The following C8orf82 variants were observed in gnomAD, a reference collection of about 807,000 sequenced individuals.
C8orf82 encodes UPF0598 protein C8orf82.
Under a neutral mutation model 15.0 loss-of-function variants are expected in C8orf82, and 24 were observed. The observed-to-expected ratio is 1.60, with a 90% confidence interval of 1.16 to 2.24. C8orf82 has a LOEUF of 2.24. Among genes scored for constraint, C8orf82 ranks in the 30% most tolerant of loss-of-function variants. The pLI is 0.00. For synonymous variants in C8orf82, 205 were observed against 152.2 expected (o/e 1.35, Z -2.55); for missense variants, 388 against 317.4 (o/e 1.22, Z -1.69).
chr8:144,526,348 G>GGTAT lies in C8orf82; in HGVS notation c.*990_*993dup, dbSNP rs1816359141. The GGTAT allele has an allele frequency of 2.6e-5, 4 of 152,240 alleles. No individual in the cohort carries two copies. The South Asian group carries it at 6.2e-4, about 24-fold the overall frequency. 9.4% of individuals were successfully genotyped at this position (152,240 alleles called of 1,614,324 possible). A position where few individuals can be genotyped will look rare whatever the true frequency, so the allele number is the denominator to read the frequency against. On this transcript the variant is annotated 3_prime_UTR_variant, in exon 3 of 3. Transcript: ENST00000524821. ...TGGGCCCTTGGGATCCATTCCCCTG[G>GGTAT]GTATAAAGTGTTGGTACGTGGCTCC...
Position 144,527,461 on chromosome 8 carries a change from C to CT in C8orf82, c.531_532insA (p.Ala178SerfsTer75). The CT allele has an allele frequency of 8.0e-7, 1 of 1,246,548 alleles. No homozygotes were observed. The highest frequency in any genetic ancestry group is 1.0e-6 in the Non-Finnish European group (1 of 994,004). The allele number at this position is 1,246,548 out of a possible 1,614,324, so 77.2% of individuals were successfully genotyped here. On this transcript the variant is annotated frameshift_variant, in exon 3 of 3. Transcript: ENST00000524821. LOFTEE classifies it high-confidence loss of function. ...GCGCCGGGCCCGTACTCGAAGCAGG[C>CT]GCTGAGCTCGAAGGCCAGGGCGGAG...
At chr8:144,528,374 C>T (rs778951078) in intron 1 of C8orf82, 2 of 1,499,794 alleles carry the variant, frequency 1.3e-6, no homozygotes, top group Non-Finnish European at 1.8e-6. Flanking sequence ...TGCTGCCTCC[C>T]GGACATGCAG....
At chr8:144,528,533 G>A (rs1006139523) in intron 1 of C8orf82, 7 of 1,368,680 alleles carry the variant, frequency 5.1e-6, no homozygotes, top group Non-Finnish European at 6.7e-6. Flanking sequence ...TAGGAGCCTC[G>A]GCCCGGACCG....
Position 144,527,751 on chromosome 8 carries a change from C to G in C8orf82, c.242G>C (p.Arg81Thr). The change falls in exon 3 of 3, where the codon AGA (arginine) becomes ACA (threonine). Residue 81 changes from arginine (R) to threonine (T), a missense_variant. Arg to Thr is a moderately conservative substitution (Grantham distance 71, BLOSUM62 -1). Transcript: ENST00000524821. ...QFLVTFFSRL[R>T]PNRSGRYEAA... is the part of the protein sequence containing the mutation. ...CTCGTAGCGCCCGCTGCGGTTGGGT[C>G]TCAGGCGGGAGAAGAAGGTGACCAG... 1 of 1,594,526 alleles carries G rather than the reference C, an allele frequency of 6.3e-7. No homozygotes were observed. The highest frequency in any genetic ancestry group is 8.5e-7 in the Non-Finnish European group (1 of 1,177,554).
intron 1 of C8orf82, 198 bp from the exon 2 acceptor site, chr8:144,528,270 C>G (rs1816457634): frequency 6.6e-7 from 1 of 1,505,782 alleles, no homozygotes; most frequent in African/African-American, 1.4e-5. Flanking sequence ...ATGCGCACCT[C>G]TGCTCCCTGG....
Position 144,526,494 on chromosome 8 carries a change from G to A in C8orf82, c.*848C>T, listed in dbSNP as rs537640524. 6.6e-6 allele frequency: 1 copy of A among 152,378 alleles called. No homozygotes were observed. Among genetic ancestry groups the A allele is most frequent in the East Asian group, 1.9e-4 (1 of 5,192 alleles). 9.4% of individuals were successfully genotyped at this position (152,378 alleles called of 1,614,324 possible). ...CACTAGATGCAGATCGGTGTAGAAA[G>A]GCCTGCCAGGGCAGGGATGAGGGCC... On this transcript the variant is annotated 3_prime_UTR_variant, in exon 3 of 3. Coordinates refer to ENST00000524821, the MANE Select transcript of C8orf82 (RefSeq NM_001001795.2).
Position 144,528,865 on chromosome 8 carries a change from C to T in C8orf82, c.52G>A (p.Gly18Arg). 1 of 1,519,280 alleles carries T rather than the reference C, an allele frequency of 6.6e-7. No individual in the cohort carries two copies. The allele number at this position is 1,519,280 out of a possible 1,614,324, so 94.1% of individuals were successfully genotyped here. The stretch of plus-strand genomic sequence containing the variant: ...CCATCCCCGCTGCAGGCCCGGGCTC[C>T]CCGCGACCGCGCCAAGGCCAGGGTC... ...LRTLALARSR[G>R]ARACSGDGGV... The change falls in exon 1 of 3, where the codon GGA (glycine) becomes AGA (arginine). Residue 18 changes from glycine (G) to arginine (R), a missense_variant. Coordinates refer to ENST00000524821, the MANE Select transcript of C8orf82 (RefSeq NM_001001795.2).
intron 1 of C8orf82, chr8:144,528,323 G>A (rs1336683384): frequency 6.6e-7 from 1 of 1,509,614 alleles, no homozygotes; most frequent in Non-Finnish European, 8.9e-7. Flanking sequence ...TTTCAAGTTT[G>A]TAATCAGTTG....
Position 144,528,892 on chromosome 8 carries a change from G to T in C8orf82, c.25C>A (p.Arg9=). 5.9e-6 allele frequency: 9 copies of T among 1,514,178 alleles called. No homozygotes were observed. Among genetic ancestry groups the T allele is most frequent in the Non-Finnish European group, 7.9e-6 (9 of 1,133,290 alleles). 93.8% of individuals were successfully genotyped at this position (1,514,178 alleles called of 1,614,324 possible). A position where few individuals can be genotyped will look rare whatever the true frequency, so the allele number is the denominator to read the frequency against. The change falls in exon 1 of 3, where the codon CGG becomes AGG. Residue 9 remains arginine, a synonymous_variant. Coordinates refer to ENST00000524821, the MANE Select transcript of C8orf82 (RefSeq NM_001001795.2). MWPPCGTL[R]TLALARSRGA... is the part of the protein sequence containing the mutation. ...CGCGACCGCGCCAAGGCCAGGGTCCGGAGCGTCCCGCAAGGCGGCCACATT... is the reference window on the plus strand; with the variant it reads ...CGCGACCGCGCCAAGGCCAGGGTCCTGAGCGTCCCGCAAGGCGGCCACATT...
rs571757742 is a variant in C8orf82 at position 144,527,119 on chromosome 8, G to T, written c.*223C>A. On this transcript the variant is annotated 3_prime_UTR_variant, in exon 3 of 3. Coordinates refer to ENST00000524821, the MANE Select transcript of C8orf82 (RefSeq NM_001001795.2). ...TCTCGAGCGCAGGCCAATCCGGAGG[G>T]CGCCGGAGTCGGGTGCGCGGGGGGC... The T allele has an allele frequency of 1.6e-3, 316 of 203,676 alleles. 2 individuals are homozygous for T. Among genetic ancestry groups the T allele is most frequent in the South Asian group, 5.9e-3 (32 of 5,388 alleles). 12.6% of individuals were successfully genotyped at this position (203,676 alleles called of 1,614,324 possible).
chr8:144,527,811 C>G lies in C8orf82; in HGVS notation c.206-24G>C, dbSNP rs747488205. On this transcript the variant is annotated intron_variant, in intron 2 of 2. Transcript: ENST00000524821. ...GTCTGGGGGATGAAGGGTGCGTGTACTCAGCGCGCTGGGCTCCCAAGGCCT... is the reference window on the plus strand; with the variant it reads ...GTCTGGGGGATGAAGGGTGCGTGTAGTCAGCGCGCTGGGCTCCCAAGGCCT... 2.5e-6 allele frequency: 4 copies of G among 1,590,614 alleles called. 1 individual carries two copies. The South Asian group carries it at 3.3e-5, about 13-fold the overall frequency.
At chr8:144,528,137 G>C in intron 1 of C8orf82, 65 bp from the exon 2 acceptor site, 1 of 1,586,058 alleles carries the variant, frequency 6.3e-7, no homozygotes, top group Non-Finnish European at 8.6e-7. Flanking sequence ...AAGCTCAGGA[G>C]GTCCTGAAGC....
rs903190174 is a variant in C8orf82 at position 144,527,281 on chromosome 8, G to T, written c.*61C>A. 51 of 1,086,676 alleles carry T rather than the reference G, an allele frequency of 4.7e-5. No individual in the cohort carries two copies. The highest frequency in any genetic ancestry group is 5.5e-5 in the Non-Finnish European group (48 of 878,460). The allele number at this position is 1,086,676 out of a possible 1,614,324, so 67.3% of individuals were successfully genotyped here. A position where few individuals can be genotyped will look rare whatever the true frequency, so the allele number is the denominator to read the frequency against. ...GGGTGGCGCGGGCTTTCCGGGGCGT[G>T]GAGTCCCGGGGGAGCGGGGCGAGAG... On this transcript the variant is annotated 3_prime_UTR_variant, in exon 3 of 3. Coordinates refer to ENST00000524821, the MANE Select transcript of C8orf82 (RefSeq NM_001001795.2).
chr8:144,528,589 A>C lies in C8orf82; in HGVS notation c.156+172T>G, dbSNP rs913505924. 1.9e-5 allele frequency: 22 copies of C among 1,177,874 alleles called. 1 individual carries two copies. In the South Asian group the frequency reaches 2.2e-4, roughly 12 times the overall value. The allele number at this position is 1,177,874 out of a possible 1,614,324, so 73.0% of individuals were successfully genotyped here. On this transcript the variant is annotated intron_variant, in intron 1 of 2. Coordinates refer to ENST00000524821, the MANE Select transcript of C8orf82 (RefSeq NM_001001795.2). ...AGCGCGCTCTCCTCCAGCTCTGAGG[A>C]GTCGAGGTTGCCCACCGCGCAGGCC...
Position 144,527,430 on chromosome 8 carries a change from G to C in C8orf82, c.563C>G (p.Ala188Gly), listed in dbSNP as rs1459843172. ...ACFEYGPGAP[A>G]LPSHVRWQGR... ...CTGCCAGCGCACGTGCGAGGGCAGC[G>C]CAGGCGCGCCGGGCCCGTACTCGAA... The change falls in exon 3 of 3, where the codon GCG (alanine) becomes GGG (glycine). Residue 188 changes from alanine (A) to glycine (G), a missense_variant. Ala to Gly is a moderately conservative substitution (Grantham distance 60). Transcript: ENST00000524821. 1.6e-6 allele frequency: 2 copies of C among 1,241,152 alleles called. No homozygotes were observed. The highest frequency in any genetic ancestry group is 1.6e-5 in the African/African-American group (1 of 62,388). 76.9% of individuals were successfully genotyped at this position (1,241,152 alleles called of 1,614,324 possible). A position where few individuals can be genotyped will look rare whatever the true frequency, so the allele number is the denominator to read the frequency against.
At chr8:144,528,310 T>C in intron 1 of C8orf82, 1 of 1,509,574 alleles carries the variant, frequency 6.6e-7, no homozygotes, top group Admixed American at 2.0e-5. Flanking sequence ...ACCTTTTCCC[T>C]CTTTTCAAGT....
At position 144,529,103 on chromosome 8, in the gene C8orf82, G is replaced by A; in HGVS notation, c.-187C>T. 1 of 509,550 alleles carries A rather than the reference G, an allele frequency of 2.0e-6. No homozygotes were observed. The highest frequency in any genetic ancestry group is 3.2e-6 in the Non-Finnish European group (1 of 311,354). The allele number at this position is 509,550 out of a possible 1,614,324, so 31.6% of individuals were successfully genotyped here. A position where few individuals can be genotyped will look rare whatever the true frequency, so the allele number is the denominator to read the frequency against. On this transcript the variant is annotated 5_prime_UTR_variant, in exon 1 of 3. Coordinates refer to ENST00000524821, the MANE Select transcript of C8orf82 (RefSeq NM_001001795.2). ...CGCCCTGGCCTTCCGAGAGGCGTGT[G>A]CCGGTGACGCCCCTTCCGGTCCGCC...
rs1262708173 is a variant in C8orf82 at position 144,528,978 on chromosome 8, G to T, written c.-62C>A. 3 of 1,433,374 alleles carry T rather than the reference G, an allele frequency of 2.1e-6. No individual in the cohort carries two copies. The highest frequency in any genetic ancestry group is 3.0e-5 in the African/African-American group (2 of 67,056). 88.8% of individuals were successfully genotyped at this position (1,433,374 alleles called of 1,614,324 possible). ...CGGGGGCGGTGCTGCGCGAACTCGCGCCTGCCCGCAGTAGCCCCGCGCTTC... is the reference window on the plus strand; with the variant it reads ...CGGGGGCGGTGCTGCGCGAACTCGCTCCTGCCCGCAGTAGCCCCGCGCTTC... On this transcript the variant is annotated 5_prime_UTR_variant, in exon 1 of 3. Coordinates refer to ENST00000524821, the MANE Select transcript of C8orf82 (RefSeq NM_001001795.2).
At position 144,527,726 on chromosome 8, in the gene C8orf82, C is replaced by G; in HGVS notation, c.267G>C (p.Glu89Asp). 6.3e-7 allele frequency: 1 copy of G among 1,591,946 alleles called. No individual in the cohort carries two copies. The highest frequency in any genetic ancestry group is 8.5e-7 in the Non-Finnish European group (1 of 1,176,442). ...RLRPNRSGRYEAAFPFLSPCG... is the reference protein window; with the variant it reads ...RLRPNRSGRYDAAFPFLSPCG... ...AGGGCGAGAGGAAGGGGAAAGCGGC[C>G]TCGTAGCGCCCGCTGCGGTTGGGTC... Residue 89 changes from glutamate to aspartate, a missense_variant, in exon 3 of 3, where the codon GAG becomes GAC. Transcript: ENST00000524821.
Sources: gnomAD v4.1 joint callset for allele counts on GRCh38, gnomAD v4.1.1 for gene constraint, MANE v1.5 for transcripts, NCBI Gene and HGNC (gene_info 2026-07-23, HGNC 2026-07-21) for gene names.